The following PTPN2 variants were observed in gnomAD, a reference collection of about 807,000 sequenced individuals.
The protein encoded by PTPN2 is tyrosine-protein phosphatase non-receptor type 2.
In PTPN2, 19 loss-of-function variants were observed where a neutral mutation model predicts 57.3. The observed-to-expected ratio is 0.33, with a 90% CI of 0.23 to 0.49. The LOEUF is 0.49. Ranked by LOEUF, PTPN2 falls within the 20% of genes least tolerant of loss-of-function variation. PTPN2 has a pLI of 0.99. For synonymous variants in PTPN2, 153 were observed against 164.9 expected (o/e 0.93, Z 0.55); for missense variants, 358 against 501.1 (o/e 0.71, Z 2.73).
At chr18:12,854,935 G>C (rs540138538) in intron 2 of PTPN2, among the ~76,000 whole-genome samples, 2 of 152,176 alleles carry the variant, frequency 1.3e-5, no homozygotes, top group Non-Finnish European at 2.9e-5. Flanking sequence ...CCAATCACTT[G>C]AGATCAGGAG....
chr18:12,789,072 G>A (rs2040916358), downstream of PTPN2, among the ~76,000 whole-genome samples: 1 of 152,168 alleles, frequency 6.6e-6, no homozygotes, highest in Non-Finnish European at 1.5e-5. Flanking sequence ...AGAGCTCTTG[G>A]TAGAGCAGGG....
chr18:12,795,666 T>A (rs1050380044), intron 8 of PTPN2, among the ~76,000 whole-genome samples: 2 of 152,110 alleles, frequency 1.3e-5, no homozygotes, highest in African/African-American at 4.8e-5. Flanking sequence ...TAAATAATAA[T>A]GCCATCCAGC....
At chr18:12,856,238 C>A (rs183560551) in intron 2 of PTPN2, among the ~76,000 whole-genome samples, 1 of 152,192 alleles carries the variant, frequency 6.6e-6, no homozygotes, top group East Asian at 1.9e-4. Flanking sequence ...GGTGCCAAGG[C>A]GGTGTGGGGA....
intron 2 of PTPN2, among the ~76,000 whole-genome samples, chr18:12,844,521 T>C (rs1291059478): frequency 6.6e-6 from 1 of 152,248 alleles, no homozygotes; most frequent in South Asian, 2.1e-4. Context: ...ATTTTCCTAA[T>C]GGCTAATGAA....
At chr18:12,803,111 G>A (rs1568086670) in intron 7 of PTPN2, among the ~76,000 whole-genome samples, 2 of 152,078 alleles carry the variant, frequency 1.3e-5, no homozygotes, top group African/African-American at 4.8e-5. Context: ...TATAAGTTGT[G>A]GGGGGAGGGT....
intron 3 of PTPN2, among the ~76,000 whole-genome samples, chr18:12,833,081 C>T (rs902084069): frequency 2.0e-5 from 3 of 152,218 alleles, no homozygotes; most frequent in Non-Finnish European, 2.9e-5. Context: ...TGAGCCACTA[C>T]GCCCAGCCAT....
At chr18:12,843,034 A>G (rs1036397698) in intron 2 of PTPN2, among the ~76,000 whole-genome samples, 1 of 152,206 alleles carries the variant, frequency 6.6e-6, no homozygotes, top group Non-Finnish European at 1.5e-5. Context: ...TTCTTAGTAC[A>G]GGTACCTGGA....
chr18:12,850,219 A>C (rs1462818649), intron 2 of PTPN2, among the ~76,000 whole-genome samples: 1 of 152,158 alleles, frequency 6.6e-6, no homozygotes, highest in Non-Finnish European at 1.5e-5. Flanking sequence ...GGCTAGGCAC[A>C]GTGGCTCATG....
intron 7 of PTPN2, among the ~76,000 whole-genome samples, chr18:12,805,194 T>C (rs2041595667): frequency 6.6e-6 from 1 of 152,118 alleles, no homozygotes; most frequent in Admixed American, 6.6e-5. Context: ...TGGTGGTTCA[T>C]GCCTGTAATC....
downstream of PTPN2, among the ~76,000 whole-genome samples, chr18:12,788,690 C>CTGGG (rs1470967209): frequency 2.6e-5 from 4 of 152,026 alleles, no homozygotes; most frequent in African/African-American, 4.8e-5. Flanking sequence ...TGGCTTCATG[C>CTGGG]TGGGCTAAAT....
chr18:12,865,823 A>C (rs34416003), intron 1 of PTPN2, among the ~76,000 whole-genome samples: 13,059 of 151,792 alleles, frequency 0.086, 737 homozygotes, highest in East Asian at 0.16. Flanking sequence ...CAAAAAAAAA[A>C]CCAAAAAACA....
chr18:12,823,939 A>G (rs183778301), intron 5 of PTPN2, among the ~76,000 whole-genome samples: 5 of 152,354 alleles, frequency 3.3e-5, no homozygotes, highest in East Asian at 1.9e-4. Flanking sequence ...TCAATTCTCA[A>G]TAAGGACTGT....
rs185285080 is a variant in PTPN2, at chr18:12,831,085, A to C, written c.262-44T>G. 3.1e-5 allele frequency: 43 copies of C among 1,392,072 alleles called. No individual in the cohort carries two copies. The Admixed American group carries it at 7.4e-4, about 24-fold the overall frequency. 86.2% of individuals were successfully genotyped at this position (1,392,072 alleles called of 1,614,324 possible). A position where few individuals can be genotyped will look rare whatever the true frequency, so the allele number is the denominator to read the frequency against. ...GAGAGCAGATGAGGGAAGCAGACAG[A>C]AAGAGCAAGGCTCCAGGAAGGCCTT... On this transcript the variant is annotated intron_variant, in intron 3 of 8. Coordinates refer to ENST00000309660, the MANE Select transcript of PTPN2 (RefSeq NM_002828.4).
At chr18:12,881,235 G>A (rs1264094422) in intron 1 of PTPN2, among the ~76,000 whole-genome samples, 8 of 152,164 alleles carry the variant, frequency 5.3e-5, no homozygotes, top group African/African-American at 1.9e-4. Context: ...AGGAGTTCGA[G>A]ACCAGCCTGG....
intron 7 of PTPN2, among the ~76,000 whole-genome samples, chr18:12,808,090 G>A (rs2145277938): frequency 6.6e-6 from 1 of 152,204 alleles, no homozygotes; most frequent in East Asian, 1.9e-4. Context: ...GACTAGGGCA[G>A]GAGGATCACT....
At chr18:12,846,839 T>C (rs1397011418) in intron 2 of PTPN2, among the ~76,000 whole-genome samples, 2 of 152,220 alleles carry the variant, frequency 1.3e-5, no homozygotes, top group Non-Finnish European at 2.9e-5. Context: ...CATGCATTCA[T>C]ACCTGGATAC....
intron 2 of PTPN2, among the ~76,000 whole-genome samples, chr18:12,855,420 G>T (rs890858020): frequency 6.6e-6 from 1 of 152,082 alleles, no homozygotes; most frequent in African/African-American, 2.4e-5. Context: ...GGCCCATGAG[G>T]AGGATGGGGA....
chr18:12,794,153 T>C lies in PTPN2; in HGVS notation c.*125A>G. 2 of 1,490,462 alleles carry C rather than the reference T, an allele frequency of 1.3e-6. No individual in the cohort carries two copies. Among genetic ancestry groups the C allele is most frequent in the East Asian group, 2.3e-5 (1 of 42,738 alleles). The allele number at this position is 1,490,462 out of a possible 1,614,324, so 92.3% of individuals were successfully genotyped here. On this transcript the variant is annotated 3_prime_UTR_variant, in exon 9 of 9. Coordinates refer to ENST00000309660, the MANE Select transcript of PTPN2 (RefSeq NM_002828.4). ...GGCTTGTGACTGTAAATATCACTTA[T>C]CTGGTTGATGTCTATTCTACTGCAC...
intron 5 of PTPN2, among the ~76,000 whole-genome samples, chr18:12,821,583 T>A (rs2042269413): frequency 6.6e-6 from 1 of 152,154 alleles, no homozygotes; most frequent in African/African-American, 2.4e-5. Flanking sequence ...GAAAGGCAGA[T>A]CAAACTCACC....
Sources: allele counts gnomAD v4.1 joint callset (sites outside exome capture counted in the v4.1 genomes callset), GRCh38; gene constraint gnomAD v4.1.1; transcripts MANE v1.5; gene names NCBI Gene and HGNC (gene_info 2026-07-23, HGNC 2026-07-21).